The following SF3B3 variants were observed in gnomAD, a reference collection of about 807,000 sequenced individuals.
The protein encoded by SF3B3 is SAP 130.
A neutral mutation model predicts 139.2 loss-of-function variants in SF3B3; 33 were observed. The ratio of observed to expected loss-of-function variants is 0.24; its 90% CI spans 0.18 to 0.32. SF3B3 has a LOEUF of 0.32. SF3B3 is among the 10% of genes least tolerant of loss of function. The probability of loss-of-function intolerance (pLI) is 1.00; values close to 1 mark genes in which losing one functional copy is unlikely to be tolerated. For missense variants in SF3B3, 818 were observed against 1,509.4 expected (o/e 0.54, Z 7.59); for synonymous variants, 596 against 563.6 (o/e 1.06, Z -0.81).
Position 70,568,336 on chromosome 16 carries a change from A to G in SF3B3, c.3006A>G (p.Val1002=), listed in dbSNP as rs199740211. ...GIQTIGHRVI[V]SDVQESFIWV... is the part of the protein sequence containing the mutation. The stretch of plus-strand genomic sequence containing the variant: ...AGACTATCGGACATAGGGTAATTGT[A>G]TCTGATGTCCAAGAAAGTTTCATCT... The change falls in exon 22 of 26, where the codon GTA becomes GTG. Residue 1002 remains valine, a synonymous_variant. Coordinates refer to ENST00000302516, the MANE Select transcript of SF3B3 (RefSeq NM_012426.5). The G allele has an allele frequency of 1.6e-4, 262 of 1,613,818 alleles. No homozygotes were observed. The Middle Eastern group carries it at 3.5e-3, about 21-fold the overall frequency.
At chr16:70,561,519 C>A in intron 16 of SF3B3, 111 bp from the exon 17 acceptor site, 1 of 867,018 alleles carries the variant, frequency 1.2e-6, no homozygotes, top group Non-Finnish European at 1.8e-6. Context: ...TCTAGAATAT[C>A]TTAGGATACT....
rs533421307 is a variant in SF3B3 at position 70,526,044 on chromosome 16, T to C, written c.-70-543T>C. 2.0e-5 allele frequency among the ~76,000 whole-genome samples: 3 copies of C among 151,762 alleles called. No individual in the cohort carries two copies. In the South Asian group the frequency reaches 6.3e-4, roughly 32 times the overall value. On this transcript the variant is annotated intron_variant, in intron 1 of 25. Coordinates refer to ENST00000302516, the MANE Select transcript of SF3B3 (RefSeq NM_012426.5). ...TTTTATATCTCTCAGGACCCATTTC[T>C]AGCCTGGAGCATTGATCTTGCCACC... is the stretch of plus-strand genomic sequence containing the variant.
chr16:70,564,011 T>C lies in SF3B3; in HGVS notation c.2424T>C (p.Thr808=). ...IIIETDHNAY[T]EATKAQRKQQ... is the part of the protein sequence containing the mutation. ...TTGAAACGGACCACAATGCCTACAC[T>C]GAGGCCACGAAAGCTCAGAGAAAGC... The change falls in exon 18 of 26, where the codon ACT becomes ACC. Residue 808 remains threonine, a synonymous_variant. Coordinates refer to ENST00000302516, the MANE Select transcript of SF3B3 (RefSeq NM_012426.5). 3.1e-6 allele frequency: 5 copies of C among 1,614,088 alleles called. No individual in the cohort carries two copies. Among genetic ancestry groups the C allele is most frequent in the African/African-American group, 1.3e-5 (1 of 75,012 alleles).
At chr16:70,559,242 C>T (rs1022039533) in intron 15 of SF3B3, among the ~76,000 whole-genome samples, 2 of 152,094 alleles carry the variant, frequency 1.3e-5, no homozygotes, top group Non-Finnish European at 2.9e-5. Context: ...AGACAAAATT[C>T]GCATCATTTC....
chr16:70,571,537 C>A, intron 25 of SF3B3, 136 bp from the exon 26 acceptor site: 1 of 932,528 alleles, frequency 1.1e-6, no homozygotes, highest in Non-Finnish European at 1.6e-6. Flanking sequence ...TGCACTGCAA[C>A]CCGGATGATA....
At chr16:70,532,761 T>A in intron 5 of SF3B3, 141 bp downstream of exon 5, 2 of 795,708 alleles carry the variant, frequency 2.5e-6, no homozygotes, top group Non-Finnish European at 4.0e-6. Context: ...AGGTTAGAAG[T>A]TCATGTGGTG....
At chr16:70,527,930 C>T (rs2050080498) in intron 2 of SF3B3, among the ~76,000 whole-genome samples, 1 of 151,932 alleles carries the variant, frequency 6.6e-6, no homozygotes, top group Non-Finnish European at 1.5e-5. Context: ...CGTGCACCAC[C>T]ATGCCCGGCT....
intron 3 of SF3B3, 106 bp downstream of exon 3, chr16:70,529,305 A>G: frequency 1.1e-6 from 1 of 910,074 alleles, no homozygotes; most frequent in Non-Finnish European, 1.7e-6. Context: ...GTTTGGCATC[A>G]TGTTTGGATT....
At chr16:70,558,378 A>G (rs1277782267) in intron 15 of SF3B3, among the ~76,000 whole-genome samples, 2 of 151,894 alleles carry the variant, frequency 1.3e-5, no homozygotes, top group Non-Finnish European at 2.9e-5. Flanking sequence ...GGCCTCCAAA[A>G]GTGCTGGTGG....
chr16:70,559,769 T>C (rs944243003), intron 15 of SF3B3, among the ~76,000 whole-genome samples: 10 of 119,670 alleles, frequency 8.4e-5, no homozygotes, highest in Admixed American at 5.0e-4. Flanking sequence ...TGAAAACTCC[T>C]TTTTTTTTTT....
rs1020695797 is a variant in SF3B3 at position 70,572,972 on chromosome 16, T to C, written c.*1159T>C. On this transcript the variant is annotated 3_prime_UTR_variant, in exon 26 of 26. Transcript: ENST00000302516. ...TCAATACTTCACAAATGTAAAACTTTCTTTCGTCTGCATGTGCTCAGCCAT... is the reference window on the plus strand; with the variant it reads ...TCAATACTTCACAAATGTAAAACTTCCTTTCGTCTGCATGTGCTCAGCCAT... 1 of 152,190 alleles carries C rather than the reference T, an allele frequency of 6.6e-6. No homozygotes were observed. The highest frequency in any genetic ancestry group is 1.9e-4 in the East Asian group (1 of 5,196). The allele number at this position is 152,190 out of a possible 1,614,324, so 9.4% of individuals were successfully genotyped here.
intron 17 of SF3B3, among the ~76,000 whole-genome samples, chr16:70,562,796 C>T (rs1442801810): frequency 6.6e-6 from 1 of 152,074 alleles, no homozygotes; most frequent in Non-Finnish European, 1.5e-5. Context: ...GAGTTCTTGG[C>T]AGGCAGTTTA....
Position 70,561,890 on chromosome 16 carries a change from C to T in SF3B3, c.2288+106C>T, listed in dbSNP as rs1371985234. On this transcript the variant is annotated intron_variant, in intron 17 of 25. Coordinates refer to ENST00000302516, the MANE Select transcript of SF3B3 (RefSeq NM_012426.5). Reference sequence around the variant, plus strand: ...AGGCTGTGAAGAGGTGGCAGAGAGCCGACTTCACCATGAAGCTTGTGTGTT... The same window carrying T: ...AGGCTGTGAAGAGGTGGCAGAGAGCTGACTTCACCATGAAGCTTGTGTGTT... 2.6e-5 allele frequency: 24 copies of T among 920,294 alleles called. No individual in the cohort carries two copies. The South Asian group carries it at 3.0e-4, about 11-fold the overall frequency. 57.0% of individuals were successfully genotyped at this position (920,294 alleles called of 1,614,324 possible). A position where few individuals can be genotyped will look rare whatever the true frequency, so the allele number is the denominator to read the frequency against.
Position 70,577,460 on chromosome 16 carries a change from T to C in SF3B3, c.*5647T>C, listed in dbSNP as rs2050590539. The stretch of plus-strand genomic sequence containing the variant: ...TTGGCAGAGTTTTCCAGCAGGGCCT[T>C]GCAGAGAGTGTGTGTGACCTGTGTG... On this transcript the variant is annotated 3_prime_UTR_variant, in exon 26 of 26. Transcript: ENST00000302516. 6.6e-6 allele frequency: 1 copy of C among 152,318 alleles called. No individual in the cohort carries two copies. Among genetic ancestry groups the C allele is most frequent in the East Asian group, 1.9e-4 (1 of 5,198 alleles). The allele number at this position is 152,318 out of a possible 1,614,324, so 9.4% of individuals were successfully genotyped here. A position where few individuals can be genotyped will look rare whatever the true frequency, so the allele number is the denominator to read the frequency against.
chr16:70,542,936 G>GA (rs2050233430), intron 9 of SF3B3, among the ~76,000 whole-genome samples: 1 of 151,794 alleles, frequency 6.6e-6, no homozygotes, highest in Non-Finnish European at 1.5e-5. Context: ...AACTAGCCAG[G>GA]ATGGTCTCGA....
chr16:70,535,527 A>T, intron 6 of SF3B3, 107 bp downstream of exon 6: 2 of 565,024 alleles, frequency 3.5e-6, no homozygotes, highest in South Asian at 3.4e-5. Context: ...TTAAAAAAAA[A>T]ATTCAGTGAC....
chr16:70,543,292 C>T (rs565196962), intron 9 of SF3B3, among the ~76,000 whole-genome samples: 2 of 151,936 alleles, frequency 1.3e-5, no homozygotes, highest in East Asian at 2.0e-4. Flanking sequence ...TGCCTGTAAT[C>T]GCAGCTACTT....
At chr16:70,571,539 C>A in intron 25 of SF3B3, 134 bp from the exon 26 acceptor site, 1 of 950,666 alleles carries the variant, frequency 1.1e-6, no homozygotes, top group Non-Finnish European at 1.5e-6. Flanking sequence ...CACTGCAACC[C>A]GGATGATAGG....
At chr16:70,530,969 T>G in intron 4 of SF3B3, 52 bp downstream of exon 4, 1 of 1,531,782 alleles carries the variant, frequency 6.5e-7, no homozygotes, top group Non-Finnish European at 8.8e-7. Flanking sequence ...CAGTGTTTTT[T>G]TTTAAGATTG....
Sources: gnomAD v4.1 joint callset for allele counts (sites outside exome capture counted in the v4.1 genomes callset) on GRCh38, gnomAD v4.1.1 for gene constraint, MANE v1.5 for transcripts, NCBI Gene and HGNC (gene_info 2026-07-23, HGNC 2026-07-21) for gene names.